The following THAP5 variants were observed in gnomAD, a reference collection of about 807,000 sequenced individuals.
THAP5 encodes THAP domain-containing protein 5.
A neutral mutation model predicts 34.0 loss-of-function variants in THAP5; 26 were observed. The observed-to-expected ratio is 0.77, with a 90% CI of 0.56 to 1.06. The LOEUF is 1.06. Ranked by LOEUF, THAP5 falls within the 50% of genes least tolerant of loss-of-function variation. THAP5 has a pLI of 0.00. For missense variants in THAP5, 394 were observed against 452.8 expected, an observed-to-expected ratio of 0.87 and a Z score of 1.18; for synonymous variants, 125 against 153.0, an observed-to-expected ratio of 0.82 and a Z score of 1.35.
At chr7:108,551,606 A>G (rs1050007366), downstream of THAP5, among the ~76,000 whole-genome samples, 16 of 152,230 alleles carry the variant, frequency 1.1e-4, no homozygotes, top group Non-Finnish European at 4.4e-5. Context: ...TGCTCTTCTC[A>G]ATTGTCTGTT....
chr7:108,569,326 G>C, intron 1 of THAP5, 164 bp downstream of exon 1: 1 of 1,464,282 alleles, frequency 6.8e-7, no homozygotes, highest in Non-Finnish European at 9.0e-7. Flanking sequence ...GGCATTGCTA[G>C]CTAAACTGAA....
At chr7:108,548,991 A>C in the THAP5 span, among the ~76,000 whole-genome samples, 1 of 152,058 alleles carries the variant, frequency 6.6e-6, no homozygotes, top group Non-Finnish European at 1.5e-5. Flanking sequence ...AAAAGCCTGC[A>C]GTCCTAGTTC....
intron 1 of THAP5, among the ~76,000 whole-genome samples, chr7:108,567,815 T>C (rs974423707): frequency 6.6e-6 from 1 of 152,234 alleles, no homozygotes; most frequent in Non-Finnish European, 1.5e-5. Context: ...AAGAAAATTT[T>C]TTAAAAACCC....
rs946617847 is a variant in THAP5 at position 108,569,566 on chromosome 7, G to A, written c.4C>T (p.Pro2Ser). The change falls in exon 1 of 3, where the codon CCC (proline) becomes TCC (serine). Residue 2 changes from proline to serine, a missense_variant. Pro to Ser is a moderately conservative substitution (Grantham distance 74, BLOSUM62 -1). Coordinates refer to ENST00000415914, the MANE Select transcript of THAP5 (RefSeq NM_001130475.3). ...CAACAAATCGCTGCGCAATAGCGGG[G>A]CATGACTCGGGTGAGGCCCCTGGAG... M[P>S]RYCAAICCKN... The A allele has an allele frequency of 6.4e-7, 1 of 1,551,380 alleles. No homozygotes were observed. Among genetic ancestry groups the A allele is most frequent in the Non-Finnish European group, 8.7e-7 (1 of 1,147,030 alleles).
At chr7:108,555,941 A>G (rs1460811315) in intron 1 of THAP5, among the ~76,000 whole-genome samples, 1 of 151,398 alleles carries the variant, frequency 6.6e-6, no homozygotes, top group Non-Finnish European at 1.5e-5. Context: ...GACCTCAGGT[A>G]ATGCACCTGC....
At chr7:108,546,141 C>G in the THAP5 span, among the ~76,000 whole-genome samples, 58 of 152,204 alleles carry the variant, frequency 3.8e-4, no homozygotes, top group African/African-American at 1.4e-3. Flanking sequence ...GTAAATAGAT[C>G]TAAGCATGAT....
intron 1 of THAP5, among the ~76,000 whole-genome samples, chr7:108,556,327 A>G (rs1374607500): frequency 6.6e-6 from 1 of 152,146 alleles, no homozygotes; most frequent in Non-Finnish European, 1.5e-5. Context: ...CATTAACTCA[A>G]AAGTCCAAGT....
downstream of THAP5, among the ~76,000 whole-genome samples, chr7:108,559,290 G>A (rs1368197974): frequency 6.6e-6 from 1 of 152,196 alleles, no homozygotes; most frequent in East Asian, 1.9e-4. Flanking sequence ...GAATAGGAAT[G>A]TTTGCTTTAG....
chr7:108,545,341 A>G, the THAP5 span, among the ~76,000 whole-genome samples: 2 of 152,230 alleles, frequency 1.3e-5, no homozygotes, highest in African/African-American at 2.4e-5. Context: ...TGTAAACCGC[A>G]AATTTTTGTT....
At chr7:108,568,948 T>TTTC (rs1790547308) in intron 1 of THAP5, among the ~76,000 whole-genome samples, 1 of 152,208 alleles carries the variant, frequency 6.6e-6, no homozygotes, top group Middle Eastern at 3.2e-3. Flanking sequence ...GAATAAAACC[T>TTTC]TGTTCTCCGC....
At chr7:108,556,923 A>G (rs40932) in intron 1 of THAP5, among the ~76,000 whole-genome samples, 47,061 of 151,912 alleles carry the variant, frequency 0.31, 7,663 homozygotes, top group Non-Finnish European at 0.35. Flanking sequence ...TTCCATACAT[A>G]CTCTGAAATC....
At chr7:108,548,374 G>A in the THAP5 span, among the ~76,000 whole-genome samples, 1 of 151,972 alleles carries the variant, frequency 6.6e-6, no homozygotes, top group Non-Finnish European at 1.5e-5. Flanking sequence ...TTATACTTTG[G>A]GGATAAAAAA....
intron 1 of THAP5, chr7:108,568,138 T>C (rs551134231): frequency 4.6e-5 from 7 of 152,372 alleles, no homozygotes; most frequent in African/African-American, 1.4e-4. Context: ...TCTTTGCATC[T>C]TGAGGCTGGG....
At chr7:108,559,851 C>T (rs1487940574), downstream of THAP5, among the ~76,000 whole-genome samples, 1 of 152,084 alleles carries the variant, frequency 6.6e-6, no homozygotes, top group East Asian at 1.9e-4. Flanking sequence ...ATGGGGAAAA[C>T]TGCCCCCATG....
Position 108,569,705 on chromosome 7 carries a change from C to T in THAP5, c.-136G>A, listed in dbSNP as rs1790573974. 1.7e-6 allele frequency: 2 copies of T among 1,185,452 alleles called. No individual in the cohort carries two copies. Among genetic ancestry groups the T allele is most frequent in the African/African-American group, 1.5e-5 (1 of 65,310 alleles). The allele number at this position is 1,185,452 out of a possible 1,614,324, so 73.4% of individuals were successfully genotyped here. A position where few individuals can be genotyped will look rare whatever the true frequency, so the allele number is the denominator to read the frequency against. On this transcript the variant is annotated 5_prime_UTR_variant, in exon 1 of 3. Transcript: ENST00000415914. Reference sequence around the variant, plus strand: ...CATTCTGCCGGGAAAGCCGCCTCGTCTGTCGACTCACTTCCGCCTCCTCCG... The same window carrying T: ...CATTCTGCCGGGAAAGCCGCCTCGTTTGTCGACTCACTTCCGCCTCCTCCG...
At chr7:108,556,638 T>C (rs748048997) in intron 1 of THAP5, among the ~76,000 whole-genome samples, 5 of 152,228 alleles carry the variant, frequency 3.3e-5, no homozygotes, top group Non-Finnish European at 7.3e-5. Context: ...GCTCTTCCCC[T>C]GTGACTCTAC....
At chr7:108,567,565 T>C (rs939326315) in intron 1 of THAP5, among the ~76,000 whole-genome samples, 2 of 152,216 alleles carry the variant, frequency 1.3e-5, no homozygotes, top group African/African-American at 4.8e-5. Flanking sequence ...TCATGTTTCC[T>C]GAATAAATTA....
At chr7:108,545,942 T>C in the THAP5 span, among the ~76,000 whole-genome samples, 1 of 152,170 alleles carries the variant, frequency 6.6e-6, no homozygotes, top group Non-Finnish European at 1.5e-5. Context: ...GTTTTTCCTC[T>C]ATTTGCTCTT....
the THAP5 span, among the ~76,000 whole-genome samples, chr7:108,547,162 G>A: frequency 3.3e-5 from 5 of 152,278 alleles, no homozygotes; most frequent in African/African-American, 4.8e-5. Flanking sequence ...TATAGTGTCC[G>A]TCATCTGTCA....
Sources: gnomAD v4.1 joint callset for allele counts (sites outside exome capture counted in the v4.1 genomes callset) on GRCh38, gnomAD v4.1.1 for gene constraint, MANE v1.5 for transcripts, NCBI Gene and HGNC (gene_info 2026-07-23, HGNC 2026-07-21) for gene names.